The following PEBP4 variants were observed in gnomAD, a reference collection of about 807,000 sequenced individuals.
The protein encoded by PEBP4 is phosphatidylethanolamine binding protein 4, also known as phosphatidylethanolamine-binding protein 4.
In PEBP4, 22 loss-of-function variants were observed where a neutral mutation model predicts 23.9. The ratio of observed to expected loss-of-function variants is 0.92; its 90% CI spans 0.66 to 1.31. PEBP4 has a LOEUF of 1.31. Among genes scored for constraint, PEBP4 ranks in the 40% most tolerant of loss-of-function variants. The pLI is 0.00. For missense variants in PEBP4, 324 were observed against 281.7 expected (o/e 1.15, Z -1.07); for synonymous variants, 112 against 99.3 (o/e 1.13, Z -0.76).
intron 4 of PEBP4, among the ~76,000 whole-genome samples, chr8:22,740,765 T>C (rs2128750429): frequency 6.6e-6 from 1 of 152,142 alleles, no homozygotes; most frequent in African/African-American, 2.4e-5. Flanking sequence ...GGTTCCTGGG[T>C]GTTCAGAGGG....
chr8:22,725,472 G>A (rs1196812121), intron 5 of PEBP4, among the ~76,000 whole-genome samples: 1 of 152,174 alleles, frequency 6.6e-6, no homozygotes, highest in Non-Finnish European at 1.5e-5. Flanking sequence ...GTTTGATCAT[G>A]GGAGCTGTAG....
intron 3 of PEBP4, among the ~76,000 whole-genome samples, chr8:22,853,801 G>A (rs557121012): frequency 1.1e-4 from 17 of 152,280 alleles, no homozygotes; most frequent in East Asian, 3.9e-4. Flanking sequence ...GAACTTGTCC[G>A]GACGAAGGCA....
At chr8:22,832,099 AGGGATG>A (rs1375019894) in intron 3 of PEBP4, among the ~76,000 whole-genome samples, 1 of 152,126 alleles carries the variant, frequency 6.6e-6, no homozygotes, top group East Asian at 1.9e-4. Context: ...AATTCGTGTG[AGGGATG>A]GGTCAGCATG....
intron 3 of PEBP4, among the ~76,000 whole-genome samples, chr8:22,912,320 T>A (rs1808955853): frequency 6.6e-6 from 1 of 152,196 alleles, no homozygotes; most frequent in South Asian, 2.1e-4. Context: ...AGGGGTGCGT[T>A]CTGTGTGTAT....
In PEBP4 at chr8:22,758,626, G is replaced by T. The variant is rs369320206; in HGVS notation, c.358-31406C>A. ...TTAGGCCACTCACTTGGCCTGCCCC[G>T]GAGTTAGTTTAATGGTCTGCCCTAT... is the stretch of plus-strand genomic sequence containing the variant. On this transcript the variant is annotated intron_variant, in intron 4 of 6. Coordinates refer to ENST00000256404, the MANE Select transcript of PEBP4 (RefSeq NM_144962.3). Among the ~76,000 whole-genome samples the T allele has an allele frequency of 4.0e-4, 61 of 152,270 alleles. 1 individual carries two copies. Among genetic ancestry groups the T allele is most frequent in the African/African-American group, 1.4e-3 (57 of 41,538 alleles).
At chr8:22,857,504 G>T (rs768407814) in intron 3 of PEBP4, among the ~76,000 whole-genome samples, 8 of 152,186 alleles carry the variant, frequency 5.3e-5, no homozygotes, top group African/African-American at 9.7e-5. Flanking sequence ...GAGATTCACA[G>T]CAAGCAAACA....
chr8:22,929,516 G>A (rs755848286), upstream of PEBP4, among the ~76,000 whole-genome samples: 14 of 152,302 alleles, frequency 9.2e-5, no homozygotes, highest in African/African-American at 2.9e-4. Flanking sequence ...CTTACTCCAC[G>A]TGCCAGGCAC....
At chr8:22,875,258 T>G (rs1262152477) in intron 3 of PEBP4, among the ~76,000 whole-genome samples, 1 of 152,156 alleles carries the variant, frequency 6.6e-6, no homozygotes, top group African/African-American at 2.4e-5. Flanking sequence ...TGAAATCGCA[T>G]AGGATAGTAT....
intron 4 of PEBP4, among the ~76,000 whole-genome samples, chr8:22,779,311 G>A (rs765712014): frequency 1.3e-5 from 2 of 152,140 alleles, no homozygotes; most frequent in East Asian, 1.9e-4. Context: ...ACCCTAAGAC[G>A]GCTGTTATTG....
intron 4 of PEBP4, among the ~76,000 whole-genome samples, chr8:22,777,636 A>G (rs1805839122): frequency 6.6e-6 from 1 of 152,128 alleles, no homozygotes; most frequent in Non-Finnish European, 1.5e-5. Flanking sequence ...CTCGCCCTGC[A>G]CGGCACTCCT....
At chr8:22,827,900 T>C (rs926397511) in intron 3 of PEBP4, among the ~76,000 whole-genome samples, 2 of 152,220 alleles carry the variant, frequency 1.3e-5, no homozygotes, top group Non-Finnish European at 2.9e-5. Context: ...TTGTCTGTCT[T>C]TTGATTGTGG....
intron 4 of PEBP4, among the ~76,000 whole-genome samples, chr8:22,763,154 G>C (rs1805544999): frequency 6.6e-6 from 1 of 152,124 alleles, no homozygotes; most frequent in Admixed American, 6.5e-5. Context: ...ACAGGTGCAT[G>C]CCACCACACC....
At chr8:22,936,926 T>C (rs1809548624) in intron 1 of PEBP4, among the ~76,000 whole-genome samples, 1 of 151,938 alleles carries the variant, frequency 6.6e-6, no homozygotes, top group Non-Finnish European at 1.5e-5. Context: ...AAAAACAAAC[T>C]AGGAAGGGAA....
rs377014109 is a variant in PEBP4, at chr8:22,784,579, G to A, written c.357+33058C>T. ...GAGATGTGCCAGGCTTGGGTGCTGC[G>A]AGCCGGGAGCCTGATTTAGCGCACG... On this transcript the variant is annotated intron_variant, in intron 4 of 6. Coordinates refer to ENST00000256404, the MANE Select transcript of PEBP4 (RefSeq NM_144962.3). 5.1e-4 allele frequency among the ~76,000 whole-genome samples: 78 copies of A among 152,320 alleles called. No homozygotes were observed. The East Asian group carries it at 0.011, about 21-fold the overall frequency.
intron 3 of PEBP4, among the ~76,000 whole-genome samples, chr8:22,891,783 C>G (rs1181492781): frequency 6.6e-6 from 1 of 152,264 alleles, no homozygotes; most frequent in South Asian, 2.1e-4. Flanking sequence ...GCTTAAGAAG[C>G]CAGGGAAGGG....
rs566069344 is a variant in PEBP4 at position 22,888,392 on chromosome 8, G to T, written c.258+31792C>A. 4.6e-5 allele frequency among the ~76,000 whole-genome samples: 7 copies of T among 152,304 alleles called. No homozygotes were observed. The East Asian group carries it at 1.4e-3, about 29-fold the overall frequency. ...TGGTCTCGAACTCCTGACCTCAGGT[G>T]ATCTGCCCACCTCGGCCTCCCAAAG... On this transcript the variant is annotated intron_variant, in intron 3 of 6. Transcript: ENST00000256404.
intron 4 of PEBP4, among the ~76,000 whole-genome samples, chr8:22,791,493 C>T (rs116904101): frequency 0.011 from 1,609 of 152,214 alleles, 26 homozygotes; most frequent in South Asian, 0.068. Flanking sequence ...AGGGTGCGAT[C>T]GACTACCGAG....
chr8:22,870,793 C>G (rs1415426168), intron 3 of PEBP4, among the ~76,000 whole-genome samples: 1 of 152,052 alleles, frequency 6.6e-6, no homozygotes, highest in Non-Finnish European at 1.5e-5. Flanking sequence ...GTTGAATGGG[C>G]CACAGGTCTT....
intron 4 of PEBP4, among the ~76,000 whole-genome samples, chr8:22,761,048 CAT>C (rs1805497481): frequency 6.6e-6 from 1 of 151,440 alleles, no homozygotes; most frequent in African/African-American, 2.4e-5. Flanking sequence ...GGGAGGCGGG[CAT>C]CAGATCTCCA....
Sources: allele counts gnomAD v4.1 joint callset (sites outside exome capture counted in the v4.1 genomes callset), GRCh38; gene constraint gnomAD v4.1.1; transcripts MANE v1.5; gene names NCBI Gene and HGNC (gene_info 2026-07-23, HGNC 2026-07-21).